Variants in THRB observed in about 807,000 individuals in gnomAD.
The protein encoded by THRB is nuclear receptor subfamily 1 group A member 2.
A neutral mutation model predicts 47.8 loss-of-function variants in THRB; 12 were observed. The observed-to-expected ratio is 0.25, with a 90% CI of 0.16 to 0.41. The LOEUF (loss-of-function observed/expected upper bound fraction) is 0.41. Among genes scored for constraint, THRB ranks in the 10% least tolerant of loss-of-function variants. The pLI, the probability that THRB is intolerant of heterozygous loss-of-function variation, is 1.00. For missense variants in THRB, 348 were observed against 589.2 expected (o/e 0.59, Z 4.24); for synonymous variants, 218 against 212.2 (o/e 1.03, Z -0.24).
At chr3:24,124,352 C>G (rs1375625383) in intron 10 of THRB, among the ~76,000 whole-genome samples, 2 of 152,210 alleles carry the variant, frequency 1.3e-5, no homozygotes, top group East Asian at 3.8e-4. Flanking sequence ...CTCCCTCTCT[C>G]CCTTTCCCCT....
intron 2 of THRB, among the ~76,000 whole-genome samples, chr3:24,332,024 C>G (rs147106872): frequency 1.9e-4 from 29 of 152,290 alleles, no homozygotes; most frequent in African/African-American, 6.7e-4. Flanking sequence ...TCCCTCACAA[C>G]GAAATCCCAC....
At chr3:24,266,295 C>A (rs1171376222) in intron 3 of THRB, among the ~76,000 whole-genome samples, 1 of 152,162 alleles carries the variant, frequency 6.6e-6, no homozygotes, top group Non-Finnish European at 1.5e-5. Flanking sequence ...ATATCCTCAT[C>A]TTAAAATGTT....
At chr3:24,481,714 C>A (rs1696452679) in intron 1 of THRB, among the ~76,000 whole-genome samples, 1 of 151,630 alleles carries the variant, frequency 6.6e-6, no homozygotes, top group South Asian at 2.1e-4. Flanking sequence ...AATCTCAATT[C>A]TAATTAATCA....
chr3:24,366,859 T>TCCAC (rs1414988870), intron 1 of THRB, among the ~76,000 whole-genome samples: 1 of 151,938 alleles, frequency 6.6e-6, no homozygotes, highest in Non-Finnish European at 1.5e-5. Flanking sequence ...GACCTTTTGA[T>TCCAC]CCACCCACCC....
At chr3:24,338,070 T>C (rs1357041084) in intron 1 of THRB, among the ~76,000 whole-genome samples, 10 of 152,152 alleles carry the variant, frequency 6.6e-5, no homozygotes, top group Non-Finnish European at 4.4e-5. Flanking sequence ...AGTCCTACAA[T>C]TTTTGTTGTT....
At chr3:24,328,946 T>C (rs1355964945) in intron 2 of THRB, among the ~76,000 whole-genome samples, 1 of 152,142 alleles carries the variant, frequency 6.6e-6, no homozygotes, top group Admixed American at 6.5e-5. Context: ...TGAATGTTTC[T>C]TCTTTTTTTT....
rs766053333 is a variant in THRB, at chr3:24,190,308, G to GT, written c.48dup (p.Pro17ThrfsTer18). The GT allele has an allele frequency of 1.2e-6, 2 of 1,614,074 alleles. No homozygotes were observed. The highest frequency in any genetic ancestry group is 2.2e-5 in the South Asian group (2 of 91,076). ...TGTTCTCGGTCTGGACAGTGCTTCGGTTTGTCCCAGGCTGTAAGGCCATTT... is the reference window on the plus strand; with the variant it reads ...TGTTCTCGGTCTGGACAGTGCTTCGGTTTTGTCCCAGGCTGTAAGGCCATTT... On this transcript the variant is annotated frameshift_variant, in exon 5 of 11. Coordinates refer to ENST00000646209, the MANE Select transcript of THRB (RefSeq NM_001354712.2). LOFTEE classifies it high-confidence loss of function.
chr3:24,372,774 A>G (rs2065009532), intron 1 of THRB, among the ~76,000 whole-genome samples: 1 of 152,104 alleles, frequency 6.6e-6, no homozygotes, highest in African/African-American at 2.4e-5. Context: ...CACACAGTAC[A>G]TAGAGCTGGA....
intron 2 of THRB, among the ~76,000 whole-genome samples, chr3:24,333,305 T>C (rs575116658): frequency 2.0e-5 from 3 of 152,300 alleles, no homozygotes; most frequent in East Asian, 1.9e-4. Context: ...CATGTTACAT[T>C]AGCCACTTGA....
intron 2 of THRB, among the ~76,000 whole-genome samples, chr3:24,314,971 C>T (rs750931736): frequency 2.0e-5 from 3 of 152,118 alleles, no homozygotes; most frequent in Non-Finnish European, 4.4e-5. Context: ...TAATCTATAT[C>T]GATGTATTAC....
intron 1 of THRB, among the ~76,000 whole-genome samples, chr3:24,477,082 A>AGG (rs1440805011): frequency 1.5e-5 from 2 of 131,708 alleles, no homozygotes; most frequent in Non-Finnish European, 3.0e-5. Flanking sequence ...ATACATATAA[A>AGG]GGGGTGTGTG....
intron 3 of THRB, among the ~76,000 whole-genome samples, chr3:24,240,095 A>G (rs1384538852): frequency 6.6e-6 from 1 of 152,156 alleles, no homozygotes; most frequent in Non-Finnish European, 1.5e-5. Context: ...CATGGCTATA[A>G]CAGCTTTGAA....
At chr3:24,219,918 C>T (rs78307351) in intron 4 of THRB, among the ~76,000 whole-genome samples, 1,882 of 152,270 alleles carry the variant, frequency 0.012, 38 homozygotes, top group East Asian at 0.057. Flanking sequence ...ACACCAGATG[C>T]GTAGCGGAAT....
At chr3:24,275,012 G>A (rs1287799165) in intron 3 of THRB, among the ~76,000 whole-genome samples, 2 of 152,016 alleles carry the variant, frequency 1.3e-5, no homozygotes, top group Admixed American at 6.6e-5. Flanking sequence ...TCTACTCATC[G>A]ATTGAAGAGA....
chr3:24,330,691 C>T (rs1198423488), intron 2 of THRB, among the ~76,000 whole-genome samples: 1 of 152,112 alleles, frequency 6.6e-6, no homozygotes, highest in Non-Finnish European at 1.5e-5. Context: ...AACACTTGCC[C>T]CAGCAAGCTG....
chr3:24,221,005 C>A (rs147528516), intron 4 of THRB, among the ~76,000 whole-genome samples: 1 of 152,182 alleles, frequency 6.6e-6, no homozygotes, highest in Admixed American at 6.5e-5. Flanking sequence ...AGAACCAAGA[C>A]AAGAAAGCAT....
chr3:24,258,270 G>C (rs1045715083), intron 3 of THRB, among the ~76,000 whole-genome samples: 4 of 152,132 alleles, frequency 2.6e-5, no homozygotes, highest in Non-Finnish European at 5.9e-5. Context: ...GTCCGTCTGA[G>C]GCACAGAGAC....
chr3:24,284,464 A>C (rs937666255), intron 3 of THRB, among the ~76,000 whole-genome samples: 2 of 151,752 alleles, frequency 1.3e-5, no homozygotes, highest in Non-Finnish European at 2.9e-5. Flanking sequence ...GTTAGACCTA[A>C]AACCATAAAA....
At chr3:24,140,089 C>A (rs1452559219) in intron 8 of THRB, among the ~76,000 whole-genome samples, 2 of 152,160 alleles carry the variant, frequency 1.3e-5, no homozygotes, top group Admixed American at 1.3e-4. Context: ...AATGTCCTTG[C>A]AGGACTAATT....
Sources: allele counts gnomAD v4.1 joint callset (sites outside exome capture counted in the v4.1 genomes callset), GRCh38; gene constraint gnomAD v4.1.1; transcripts MANE v1.5; gene names NCBI Gene and HGNC (gene_info 2026-07-23, HGNC 2026-07-21).